DAB1: variants seen among roughly 807,000 people sequenced by gnomAD.
The protein encoded by DAB1 is disabled homolog 1.
In DAB1, 15 loss-of-function variants were observed where a neutral mutation model predicts 64.6. The ratio of observed to expected loss-of-function variants is 0.23; its 90% CI spans 0.16 to 0.36. The LOEUF (loss-of-function observed/expected upper bound fraction) is 0.36, where lower values mean the gene tolerates loss of function less well. Among genes scored for constraint, DAB1 ranks in the 10% least tolerant of loss-of-function variants. DAB1 has a pLI of 1.00. For synonymous variants in DAB1, 235 were observed against 251.9 expected (o/e 0.93, Z 0.64); for missense variants, 596 against 706.7 (o/e 0.84, Z 1.78).
intron 3 of DAB1, among the ~76,000 whole-genome samples, chr1:58,357,599 T>C (rs1644123768): frequency 6.6e-6 from 1 of 152,166 alleles, no homozygotes; most frequent in Admixed American, 6.5e-5. Context: ...AGATGGCACT[T>C]GAAGCTTTAA....
chr1:57,521,870 G>T (rs1644531142), intron 7 of DAB1, among the ~76,000 whole-genome samples: 1 of 152,294 alleles, frequency 6.6e-6, no homozygotes, highest in African/African-American at 2.4e-5. Context: ...AGCACTTTGG[G>T]TGGCTGAGGC....
In DAB1 at chr1:57,565,679, G is replaced by A. The variant is rs561645255; in HGVS notation, n.625+83913C>T. ...AACAAAGATCAAAAGAGACAAAGAAGGCCATTACATAATGGTAAAGGGGTC... is the reference window on the plus strand; with the variant it reads ...AACAAAGATCAAAAGAGACAAAGAAAGCCATTACATAATGGTAAAGGGGTC... On this transcript the variant is annotated intron_variant and non_coding_transcript_variant, in intron 7 of 20. Transcript: ENST00000485760. 2.4e-4 allele frequency among the ~76,000 whole-genome samples: 37 copies of A among 152,204 alleles called. No individual in the cohort carries two copies. The South Asian group carries it at 7.3e-3, about 30-fold the overall frequency.
chr1:57,087,308 C>A (rs1301182314), intron 4 of DAB1, among the ~76,000 whole-genome samples: 1 of 152,194 alleles, frequency 6.6e-6, no homozygotes, highest in East Asian at 1.9e-4. Flanking sequence ...AGATGCAGAG[C>A]CTGGGCTGGG....
chr1:57,004,665 G>T (rs1239987859), intron 14 of DAB1, among the ~76,000 whole-genome samples: 3 of 152,206 alleles, frequency 2.0e-5, no homozygotes, highest in Non-Finnish European at 4.4e-5. Flanking sequence ...TAGCTCAGTG[G>T]GAGTTTTACA....
chr1:57,268,972 G>A (rs1670786770), intron 2 of DAB1, among the ~76,000 whole-genome samples: 1 of 152,186 alleles, frequency 6.6e-6, no homozygotes. Flanking sequence ...AACAAAAGAA[G>A]TAGGTGCCAT....
intron 1 of DAB1, among the ~76,000 whole-genome samples, chr1:57,293,020 T>C (rs1672904171): frequency 6.6e-6 from 1 of 151,900 alleles, no homozygotes; most frequent in Non-Finnish European, 1.5e-5. Flanking sequence ...TTCTCAATAA[T>C]TGTATGTAGA....
intron 2 of DAB1, among the ~76,000 whole-genome samples, chr1:57,200,596 G>A (rs1665010777): frequency 6.9e-6 from 1 of 144,296 alleles, no homozygotes; most frequent in African/African-American, 2.6e-5. Flanking sequence ...GGAGTGTGGT[G>A]AGGTCTAAAT....
chr1:57,122,709 C>T (rs1364613758), intron 4 of DAB1, among the ~76,000 whole-genome samples: 1 of 152,110 alleles, frequency 6.6e-6, no homozygotes, highest in Non-Finnish European at 1.5e-5. Flanking sequence ...AGAATCTGGG[C>T]CACATTCCCT....
Position 57,144,650 on chromosome 1 carries a change from C to G in DAB1, c.207+640G>C, listed in dbSNP as rs1033877330. On this transcript the variant is annotated intron_variant, in intron 3 of 14. Transcript: ENST00000371236. Reference sequence around the variant, plus strand: ...CGGAAGTTGCAGTGAGCCGAGATTGCGCCACTGCACTCCAGCCTAGGCGAT... The same window carrying G: ...CGGAAGTTGCAGTGAGCCGAGATTGGGCCACTGCACTCCAGCCTAGGCGAT... 2.3e-4 allele frequency among the ~76,000 whole-genome samples: 35 copies of G among 150,292 alleles called. 1 individual carries two copies. The highest frequency in any genetic ancestry group is 1.0e-3 in the South Asian group (5 of 4,778).
At chr1:58,423,118 C>T (rs963943225) in intron 3 of DAB1, among the ~76,000 whole-genome samples, 3 of 152,198 alleles carry the variant, frequency 2.0e-5, no homozygotes, top group African/African-American at 7.2e-5. Flanking sequence ...GTGATGTGCA[C>T]TACTAGTCAG....
At chr1:57,201,674 C>A (rs1011367235) in intron 2 of DAB1, among the ~76,000 whole-genome samples, 1 of 152,080 alleles carries the variant, frequency 6.6e-6, no homozygotes, top group Non-Finnish European at 1.5e-5. Context: ...AAGGAGCTTC[C>A]GTTCTAGTGG....
chr1:57,519,876 C>A (rs1570591816), intron 7 of DAB1, among the ~76,000 whole-genome samples: 1 of 152,140 alleles, frequency 6.6e-6, no homozygotes, highest in African/African-American at 2.4e-5. Flanking sequence ...AATATATGCT[C>A]ATTATAGAAA....
chr1:57,074,336 T>C (rs72672608), intron 4 of DAB1, among the ~76,000 whole-genome samples: 7,928 of 152,218 alleles, frequency 0.052, 285 homozygotes, highest in Non-Finnish European at 0.079. Flanking sequence ...ACTGAGTCCA[T>C]GGAGGGAGAG....
At chr1:57,481,830 A>AG (rs1270641577) in intron 7 of DAB1, among the ~76,000 whole-genome samples, 2 of 150,228 alleles carry the variant, frequency 1.3e-5, no homozygotes, top group East Asian at 3.9e-4. Flanking sequence ...AAAAAAAAAA[A>AG]GAGATAATGT....
At chr1:57,014,525 T>A (rs1017328873) in intron 12 of DAB1, among the ~76,000 whole-genome samples, 5 of 152,170 alleles carry the variant, frequency 3.3e-5, no homozygotes, top group African/African-American at 1.2e-4. Context: ...ACAAACAAAA[T>A]CTTAAGAGGC....
At chr1:58,118,525 TATATATATAAAATACATATATATAC>T (rs1570375024) in intron 5 of DAB1, among the ~76,000 whole-genome samples, 2 of 114,278 alleles carry the variant, frequency 1.8e-5, no homozygotes, top group Non-Finnish European at 3.4e-5. Context: ...CACACACATA[TATATATATAAAATACATATATATAC>T]ATATATATAA....
intron 2 of DAB1, among the ~76,000 whole-genome samples, chr1:57,171,860 A>G (rs1361589422): frequency 2.0e-5 from 3 of 152,226 alleles, no homozygotes; most frequent in Admixed American, 6.5e-5. Context: ...TGACAGGTGT[A>G]TATTAGTTTG....
intron 3 of DAB1, among the ~76,000 whole-genome samples, chr1:58,484,576 C>G (rs1475557512): frequency 1.3e-5 from 2 of 152,134 alleles, no homozygotes; most frequent in Non-Finnish European, 2.9e-5. Context: ...GAAACTGAGT[C>G]TCAGAGAAGT....
At chr1:58,186,517 A>G (rs1657084808) in intron 4 of DAB1, among the ~76,000 whole-genome samples, 1 of 152,236 alleles carries the variant, frequency 6.6e-6, no homozygotes, top group Non-Finnish European at 1.5e-5. Flanking sequence ...ATTATGTTCA[A>G]TAACTTTTTT....
Sources: gnomAD v4.1 joint callset for allele counts (sites outside exome capture counted in the v4.1 genomes callset) on GRCh38, gnomAD v4.1.1 for gene constraint, MANE v1.5 for transcripts, NCBI Gene and HGNC (gene_info 2026-07-23, HGNC 2026-07-21) for gene names.